COL14A1: variants seen among roughly 807,000 people sequenced by gnomAD.
COL14A1 encodes collagen type XIV alpha 1 chain.
A neutral mutation model predicts 230.3 loss-of-function variants in COL14A1; 136 were observed. The observed-to-expected ratio is 0.59, with a 90% CI of 0.51 to 0.68. COL14A1 has a LOEUF of 0.68. Ranked by LOEUF, COL14A1 falls within the 30% of genes least tolerant of loss-of-function variation. The pLI is 0.00. For missense variants in COL14A1, 1,976 were observed against 2,215.8 expected, an observed-to-expected ratio of 0.89 and a Z score of 2.17; for synonymous variants, 792 against 784.1, an observed-to-expected ratio of 1.01 and a Z score of -0.17.
At chr8:120,219,201 C>A (rs935126132) in intron 14 of COL14A1, among the ~76,000 whole-genome samples, 1 of 152,092 alleles carries the variant, frequency 6.6e-6, no homozygotes, top group African/African-American at 2.4e-5. Context: ...ACTGCATCCT[C>A]GACCTTGCAG....
rs1483308116 is a variant in COL14A1, at chr8:120,369,407, G to A, written c.5233G>A (p.Gly1745Arg). The change falls in exon 47 of 48, where the codon GGG becomes AGG. Residue 1745 changes from glycine to arginine, a missense_variant. Around this residue, in one of 3 missense-constraint regions of COL14A1, gnomAD observed 1,791 missense variants for 2,019.5 expected, o/e 0.89. Coordinates refer to ENST00000297848, the MANE Select transcript of COL14A1 (RefSeq NM_021110.4). Reference sequence around the variant, plus strand: ...ACCAAGAGGCCCACCAGGTCATCTGGGGGTTCCTGGACCCCAAGGTCCTTC... The same window carrying A: ...ACCAAGAGGCCCACCAGGTCATCTGAGGGTTCCTGGACCCCAAGGTCCTTC... ...PGPRGPPGHL[G>R]VPGPQGPSGQ... 2 of 1,610,664 alleles carry A rather than the reference G, an allele frequency of 1.2e-6. No homozygotes were observed. Among genetic ancestry groups the A allele is most frequent in the Non-Finnish European group, 1.7e-6 (2 of 1,178,504 alleles).
chr8:120,253,366 T>G (rs1434911151), intron 22 of COL14A1, among the ~76,000 whole-genome samples: 1 of 152,182 alleles, frequency 6.6e-6, no homozygotes, highest in Non-Finnish European at 1.5e-5. Context: ...TTCCATCCTC[T>G]TTTCTCTGCT....
chr8:120,212,403 A>G (rs1817637690), intron 12 of COL14A1, 45 bp from the exon 13 acceptor site: 3 of 1,603,772 alleles, frequency 1.9e-6, no homozygotes, highest in Non-Finnish European at 2.6e-6. Flanking sequence ...ATCAGCATGA[A>G]TAATATGTAT....
At position 120,157,773 on chromosome 8, in the gene COL14A1, C is replaced by T. The variant is rs573647067; in HGVS notation, c.89-357C>T. Among the ~76,000 whole-genome samples the T allele has an allele frequency of 1.9e-3, 293 of 152,128 alleles. 2 individuals are homozygous for T. Among genetic ancestry groups the T allele is most frequent in the African/African-American group, 6.8e-3 (284 of 41,496 alleles). On this transcript the variant is annotated intron_variant, in intron 2 of 47. Transcript: ENST00000297848. Reference sequence around the variant, plus strand: ...GGCCGAGGCGGGTGGATCCTGAGGTCAGGAGTTCAAGACCAGCCTGGCCAA... The same window carrying T: ...GGCCGAGGCGGGTGGATCCTGAGGTTAGGAGTTCAAGACCAGCCTGGCCAA...
At chr8:120,305,020 C>T (rs1159878909) in intron 36 of COL14A1, among the ~76,000 whole-genome samples, 2 of 151,342 alleles carry the variant, frequency 1.3e-5, no homozygotes, top group Non-Finnish European at 2.9e-5. Flanking sequence ...CTCTTGTTGC[C>T]CGGGCTGGAG....
At chr8:120,203,528 C>G (rs1025428793) in intron 8 of COL14A1, among the ~76,000 whole-genome samples, 181 bp from the exon 9 acceptor site, 2 of 151,890 alleles carry the variant, frequency 1.3e-5, no homozygotes, top group African/African-American at 2.4e-5. Context: ...TATATTTTTT[C>G]ATTTCATCGG....
chr8:120,193,241 T>C (rs2130693741), intron 5 of COL14A1, among the ~76,000 whole-genome samples: 1 of 152,352 alleles, frequency 6.6e-6, no homozygotes, highest in South Asian at 2.1e-4. Flanking sequence ...ATGTCCTTTC[T>C]GTTTGTTAGT....
chr8:120,231,062 G>T (rs1048274167), intron 18 of COL14A1, among the ~76,000 whole-genome samples: 1 of 152,180 alleles, frequency 6.6e-6, no homozygotes, highest in Non-Finnish European at 1.5e-5. Flanking sequence ...TTGGATGCTG[G>T]ATTGCACACA....
intron 31 of COL14A1, among the ~76,000 whole-genome samples, chr8:120,283,364 A>C (rs1474383452): frequency 6.6e-6 from 1 of 152,206 alleles, no homozygotes; most frequent in African/African-American, 2.4e-5. Context: ...ACAAGAGAAG[A>C]CTGTACAGCC....
intron 5 of COL14A1, among the ~76,000 whole-genome samples, chr8:120,171,847 T>A (rs1178593284): frequency 6.6e-6 from 1 of 152,148 alleles, no homozygotes; most frequent in Non-Finnish European, 1.5e-5. Flanking sequence ...CTTTTGACAA[T>A]CTATGTCTTT....
At chr8:120,145,390 G>A (rs1012100227) in intron 1 of COL14A1, among the ~76,000 whole-genome samples, 11 of 152,134 alleles carry the variant, frequency 7.2e-5, no homozygotes, top group Non-Finnish European at 1.0e-4. Context: ...AGGCCAAGGC[G>A]GGTGGATCAC....
At chr8:120,254,344 T>C (rs1393617338) in intron 22 of COL14A1, among the ~76,000 whole-genome samples, 1 of 152,194 alleles carries the variant, frequency 6.6e-6, no homozygotes, top group Non-Finnish European at 1.5e-5. Context: ...TAGGAACCTA[T>C]GTATTTTAAA....
chr8:120,268,169 A>G (rs1819555476), intron 25 of COL14A1, among the ~76,000 whole-genome samples: 2 of 151,778 alleles, frequency 1.3e-5, no homozygotes, highest in South Asian at 4.2e-4. Context: ...TACATTATAT[A>G]ATAGCAAAAT....
intron 19 of COL14A1, among the ~76,000 whole-genome samples, chr8:120,234,627 G>A (rs1258226425): frequency 6.6e-6 from 1 of 151,844 alleles, no homozygotes; most frequent in Non-Finnish European, 1.5e-5. Flanking sequence ...ATTGATTTGC[G>A]AATGTTGAAC....
At chr8:120,181,372 C>A (rs1483974008) in intron 5 of COL14A1, among the ~76,000 whole-genome samples, 2 of 152,150 alleles carry the variant, frequency 1.3e-5, no homozygotes, top group Non-Finnish European at 2.9e-5. Context: ...ATTAAGACCA[C>A]ATTTAAAATG....
At position 120,355,661 on chromosome 8, in the gene COL14A1, C is replaced by G. The variant is rs143624856; in HGVS notation, c.5077+10098C>G. Reference sequence around the variant, plus strand: ...CTCCTAACCTCAACTGACAACCCCCCCACCCCGCCTCGGCCTCACAAAGTG... The same window carrying G: ...CTCCTAACCTCAACTGACAACCCCCGCACCCCGCCTCGGCCTCACAAAGTG... On this transcript the variant is annotated intron_variant, in intron 45 of 47. Transcript: ENST00000297848. 1.6e-4 allele frequency among the ~76,000 whole-genome samples: 24 copies of G among 152,086 alleles called. No individual in the cohort carries two copies. In the East Asian group the frequency reaches 3.5e-3, roughly 22 times the overall value.
intron 40 of COL14A1, among the ~76,000 whole-genome samples, chr8:120,322,478 A>C (rs374208340): frequency 6.6e-6 from 1 of 152,194 alleles, no homozygotes; most frequent in Non-Finnish European, 1.5e-5. Flanking sequence ...AGATTATTTC[A>C]TCACCCAGGT....
At chr8:120,272,285 G>A (rs1819690309) in intron 26 of COL14A1, among the ~76,000 whole-genome samples, 2 of 151,684 alleles carry the variant, frequency 1.3e-5, no homozygotes, top group South Asian at 2.1e-4. Flanking sequence ...TATAAGAAAT[G>A]TTAAAAGAAG....
chr8:120,332,806 C>A, intron 42 of COL14A1, 71 bp downstream of exon 42: 1 of 1,251,124 alleles, frequency 8.0e-7, no homozygotes, highest in Non-Finnish European at 1.1e-6. Flanking sequence ...TTAAATTTAC[C>A]AGCCTTTCTG....
Sources: allele counts gnomAD v4.1 joint callset (sites outside exome capture counted in the v4.1 genomes callset), GRCh38; gene constraint gnomAD v4.1.1; regional missense constraint gnomAD v4.1.1; transcripts MANE v1.5; gene names NCBI Gene and HGNC (gene_info 2026-07-23, HGNC 2026-07-21).